MERTK: variants seen among roughly 807,000 people sequenced by gnomAD.
MERTK encodes tyrosine-protein kinase Mer.
MERTK carries 69 observed loss-of-function variants against 99.3 expected under a neutral mutation model. The observed-to-expected ratio is 0.70, with a 90% CI of 0.57 to 0.85. The LOEUF (loss-of-function observed/expected upper bound fraction) is 0.85. MERTK is among the 40% of genes least tolerant of loss of function. The probability of loss-of-function intolerance (pLI) is 0.00; values close to 1 mark genes in which losing one functional copy is unlikely to be tolerated. For missense variants in MERTK, 1,125 were observed against 1,249.4 expected, an observed-to-expected ratio of 0.90 and a Z score of 1.50; for synonymous variants, 426 against 467.6, an observed-to-expected ratio of 0.91 and a Z score of 1.15.
intron 1 of MERTK, among the ~76,000 whole-genome samples, chr2:111,900,925 A>G (rs1301318993): frequency 6.6e-6 from 1 of 152,164 alleles, no homozygotes; most frequent in African/African-American, 2.4e-5. Context: ...CAGGGGAGAC[A>G]GAGAGAGAGA....
chr2:112,024,988 TGGCTGAAATA>T (rs1403429377), intron 18 of MERTK: 3 of 154,388 alleles, frequency 1.9e-5, no homozygotes, highest in Admixed American at 6.5e-5. Context: ...TTTCACATGA[TGGCTGAAATA>T]GTAAACGTGA....
At chr2:111,970,844 C>T (rs542757672) in intron 6 of MERTK, among the ~76,000 whole-genome samples, 42 of 131,746 alleles carry the variant, frequency 3.2e-4, no homozygotes, top group Admixed American at 7.8e-4. Flanking sequence ...TCCTTCTCCT[C>T]CTTCTCCTCC....
chr2:111,951,166 A>G (rs1190824685), intron 4 of MERTK, among the ~76,000 whole-genome samples: 1 of 151,508 alleles, frequency 6.6e-6, no homozygotes, highest in African/African-American at 2.4e-5. Context: ...GCGACAGGGG[A>G]GGGCATGTAG....
chr2:111,917,068 A>G (rs1317480417), intron 1 of MERTK, among the ~76,000 whole-genome samples: 8 of 152,184 alleles, frequency 5.3e-5, no homozygotes, highest in Non-Finnish European at 1.2e-4. Flanking sequence ...CCCAAACACT[A>G]GAGTAGGGGG....
At chr2:111,941,392 C>T (rs368869022) in intron 2 of MERTK, among the ~76,000 whole-genome samples, 4 of 152,174 alleles carry the variant, frequency 2.6e-5, no homozygotes, top group African/African-American at 7.2e-5. Flanking sequence ...TTTTCTCCTA[C>T]TGTGCTGCCC....
intron 4 of MERTK, among the ~76,000 whole-genome samples, chr2:111,958,864 C>A (rs79726026): frequency 3.3e-5 from 5 of 152,008 alleles, no homozygotes; most frequent in Admixed American, 3.3e-4. Flanking sequence ...AATAAACCTC[C>A]GGTTTTACCA....
chr2:111,910,273 G>T (rs1367865312), intron 1 of MERTK, among the ~76,000 whole-genome samples: 238 of 144,888 alleles, frequency 1.6e-3, no homozygotes, highest in African/African-American at 4.6e-3. Context: ...TCTGTTTTTT[G>T]TTTTTTTTTT....
At chr2:111,988,491 A>G (rs1676540057) in intron 8 of MERTK, among the ~76,000 whole-genome samples, 1 of 152,200 alleles carries the variant, frequency 6.6e-6, no homozygotes, top group Non-Finnish European at 1.5e-5. Flanking sequence ...AGATACCACA[A>G]GCTCAATTCT....
At chr2:112,023,304 C>A (rs1677395834) in intron 18 of MERTK, among the ~76,000 whole-genome samples, 1 of 152,004 alleles carries the variant, frequency 6.6e-6, no homozygotes, top group African/African-American at 2.4e-5. Flanking sequence ...GTCCCAGCTA[C>A]TCGGGAGGCT....
chr2:111,910,923 T>C (rs1022032291), intron 1 of MERTK, among the ~76,000 whole-genome samples: 3 of 152,228 alleles, frequency 2.0e-5, no homozygotes, highest in Admixed American at 1.3e-4. Context: ...TAGTGTTCCA[T>C]AGCACTGTAG....
At chr2:111,906,016 T>C (rs1185830997) in intron 1 of MERTK, among the ~76,000 whole-genome samples, 22 of 152,226 alleles carry the variant, frequency 1.4e-4, no homozygotes, top group Admixed American at 1.4e-3. Flanking sequence ...TTTCAGAAGC[T>C]CAATGCCTGG....
chr2:111,998,001 T>C (rs1217707842), intron 10 of MERTK, among the ~76,000 whole-genome samples: 1 of 151,996 alleles, frequency 6.6e-6, no homozygotes, highest in African/African-American at 2.4e-5. Context: ...CAGGTTGGAG[T>C]GGGACAGAAT....
chr2:111,971,535 T>G (rs1676119757), intron 6 of MERTK, among the ~76,000 whole-genome samples: 1 of 152,224 alleles, frequency 6.6e-6, no homozygotes, highest in Admixed American at 6.5e-5. Context: ...AAGTTTTCTG[T>G]CATTTTCCTT....
At chr2:111,963,326 T>C (rs1049882502) in intron 4 of MERTK, among the ~76,000 whole-genome samples, 10 of 152,240 alleles carry the variant, frequency 6.6e-5, no homozygotes, top group African/African-American at 2.4e-4. Flanking sequence ...AATGCCTTCC[T>C]CTTGTCTCAA....
At chr2:111,944,876 CAAA>C in intron 2 of MERTK, 81 bp from the exon 3 acceptor site, 1 of 1,152,852 alleles carries the variant, frequency 8.7e-7, no homozygotes, top group Non-Finnish European at 1.3e-6. Flanking sequence ...CAGCATATGA[CAAA>C]GAAGTTGAAG....
intron 12 of MERTK, 75 bp from the exon 13 acceptor site, chr2:112,003,829 C>G: frequency 2.3e-6 from 3 of 1,323,994 alleles, no homozygotes; most frequent in Non-Finnish European, 3.3e-6. Flanking sequence ...AAACCAGCAG[C>G]TCTGGCACTG....
At chr2:111,973,245 C>T (rs1353460522) in intron 6 of MERTK, among the ~76,000 whole-genome samples, 1 of 152,102 alleles carries the variant, frequency 6.6e-6, no homozygotes, top group Admixed American at 6.5e-5. Context: ...GGAAGTGGGG[C>T]GGGGAGGAGA....
chr2:111,964,785 G>A (rs1164865286), intron 4 of MERTK, among the ~76,000 whole-genome samples: 1 of 152,006 alleles, frequency 6.6e-6, no homozygotes, highest in African/African-American at 2.4e-5. Flanking sequence ...CTTTTATTTT[G>A]CTATTTCTGG....
At chr2:111,949,399 C>T (rs1685016082) in intron 4 of MERTK, among the ~76,000 whole-genome samples, 1 of 152,148 alleles carries the variant, frequency 6.6e-6, no homozygotes, top group Non-Finnish European at 1.5e-5. Flanking sequence ...ATGCCAGCCC[C>T]TACCTATTAA....
Sources: allele counts gnomAD v4.1 joint callset (sites outside exome capture counted in the v4.1 genomes callset), GRCh38; gene constraint gnomAD v4.1.1; transcripts MANE v1.5; gene names NCBI Gene and HGNC (gene_info 2026-07-23, HGNC 2026-07-21).